Variants in MCC observed in about 807,000 individuals in gnomAD.
MCC encodes the protein colorectal mutant cancer protein.
A neutral mutation model predicts 116.2 loss-of-function variants in MCC; 90 were observed. The observed-to-expected ratio is 0.77, with a 90% CI of 0.65 to 0.92. The LOEUF (loss-of-function observed/expected upper bound fraction) is 0.92, where lower values mean the gene tolerates loss of function less well. MCC is among the 40% of genes least tolerant of loss of function. The probability of loss-of-function intolerance (pLI) is 0.00; values close to 1 mark genes in which losing one functional copy is unlikely to be tolerated. For missense variants in MCC, 1,516 were observed against 1,312.2 expected, an observed-to-expected ratio of 1.16 and a Z score of -2.40; for synonymous variants, 578 against 510.5, an observed-to-expected ratio of 1.13 and a Z score of -1.78.
chr5:113,316,080 A>T (rs1226800929), intron 3 of MCC, among the ~76,000 whole-genome samples: 4 of 151,952 alleles, frequency 2.6e-5, no homozygotes, highest in Non-Finnish European at 5.9e-5. Flanking sequence ...ACAAGGTGAA[A>T]CCCGGTGTCT....
intron 3 of MCC, among the ~76,000 whole-genome samples, chr5:113,331,614 G>GT (rs573093109): frequency 3.3e-5 from 5 of 149,464 alleles, no homozygotes; most frequent in Non-Finnish European, 5.9e-5. Flanking sequence ...CTGCTTTTTT[G>GT]TTTGTTTTGT....
intron 1 of MCC, among the ~76,000 whole-genome samples, chr5:113,486,113 C>T (rs1269307706): frequency 6.6e-6 from 1 of 152,220 alleles, no homozygotes; most frequent in Non-Finnish European, 1.5e-5. Context: ...CAGGTAAACA[C>T]ACTTCCAGAC....
intron 2 of MCC, among the ~76,000 whole-genome samples, chr5:113,342,510 T>A (rs183698709): frequency 5.3e-4 from 81 of 152,320 alleles, no homozygotes; most frequent in Non-Finnish European, 1.0e-3. Flanking sequence ...AACATGCTAA[T>A]AGTTATAATA....
At chr5:113,284,598 T>C (rs1266556387) in intron 3 of MCC, among the ~76,000 whole-genome samples, 6 of 152,242 alleles carry the variant, frequency 3.9e-5, no homozygotes, top group Non-Finnish European at 7.3e-5. Context: ...ATTTCCCCTT[T>C]TGCCACTAGC....
chr5:113,035,294 T>C (rs78784870), intron 17 of MCC, among the ~76,000 whole-genome samples: 1,993 of 152,294 alleles, frequency 0.013, 33 homozygotes, highest in Non-Finnish European at 0.018. Context: ...CAGCAAACTC[T>C]ATCTGCCAAG....
At chr5:113,060,531 G>C (rs1208798598) in intron 14 of MCC, among the ~76,000 whole-genome samples, 1 of 152,206 alleles carries the variant, frequency 6.6e-6, no homozygotes, top group African/African-American at 2.4e-5. Flanking sequence ...ATCTGAATGA[G>C]TGGGGTCAGT....
At chr5:113,264,305 C>T (rs1479401691) in intron 3 of MCC, among the ~76,000 whole-genome samples, 2 of 152,156 alleles carry the variant, frequency 1.3e-5, no homozygotes, top group African/African-American at 4.8e-5. Context: ...GCCTCCCTCC[C>T]CAGTGATACA....
intron 1 of MCC, among the ~76,000 whole-genome samples, chr5:113,467,659 C>T (rs200006077): frequency 0.2 from 30,909 of 151,918 alleles, 3,609 homozygotes; most frequent in Admixed American, 0.33. Context: ...ATTGACTTGG[C>T]GACACGGGCT....
chr5:113,420,910 T>C (rs1460076721), intron 1 of MCC, among the ~76,000 whole-genome samples: 2 of 152,234 alleles, frequency 1.3e-5, no homozygotes, highest in Non-Finnish European at 2.9e-5. Context: ...TAAGCACTAA[T>C]GTTAAATATA....
At chr5:113,100,226 AG>A (rs1756310529) in intron 8 of MCC, among the ~76,000 whole-genome samples, 2 of 152,240 alleles carry the variant, frequency 1.3e-5, no homozygotes, top group South Asian at 4.1e-4. Flanking sequence ...ATTCAAAAAT[AG>A]TAATTTCTTC....
intron 3 of MCC, among the ~76,000 whole-genome samples, chr5:113,164,842 G>A (rs1307871221): frequency 6.6e-6 from 1 of 152,172 alleles, no homozygotes; most frequent in Admixed American, 6.5e-5. Flanking sequence ...TAGCAGTGCT[G>A]CTCAAATTGG....
intron 5 of MCC, among the ~76,000 whole-genome samples, chr5:113,137,333 A>G (rs546500179): frequency 3.9e-5 from 6 of 152,242 alleles, no homozygotes; most frequent in African/African-American, 1.4e-4. Context: ...ACAATTCAAG[A>G]TGAGATTTGG....
intron 11 of MCC, among the ~76,000 whole-genome samples, chr5:113,078,642 A>G (rs1754626908): frequency 6.6e-6 from 1 of 152,226 alleles, no homozygotes; most frequent in South Asian, 2.1e-4. Context: ...TAATCTAGGT[A>G]TTGATGGGAC....
intron 3 of MCC, among the ~76,000 whole-genome samples, chr5:113,314,147 A>C (rs183239442): frequency 7.2e-5 from 11 of 152,222 alleles, no homozygotes; most frequent in African/African-American, 2.4e-4. Flanking sequence ...CAGATATTCC[A>C]GATTCTCTCA....
At chr5:113,458,405 C>A (rs1771642727) in intron 1 of MCC, among the ~76,000 whole-genome samples, 1 of 151,730 alleles carries the variant, frequency 6.6e-6, no homozygotes. Context: ...ACGAACCCAC[C>A]AGAAGGAAGA....
intron 3 of MCC, among the ~76,000 whole-genome samples, chr5:113,199,879 C>T (rs1762596022): frequency 6.6e-6 from 1 of 152,174 alleles, no homozygotes; most frequent in Admixed American, 6.5e-5. Context: ...AACCCTGAAA[C>T]CCAAGGGGGA....
chr5:113,294,740 C>T (rs954558445), intron 3 of MCC: 4 of 996,796 alleles, frequency 4.0e-6, no homozygotes, highest in South Asian at 4.7e-5. Context: ...TGCCTCGCCG[C>T]CCCCCATTAC....
chr5:113,346,561 T>C (rs1368857034), intron 2 of MCC, among the ~76,000 whole-genome samples: 2 of 151,874 alleles, frequency 1.3e-5, no homozygotes, highest in African/African-American at 4.8e-5. Context: ...GATCATGCCA[T>C]TGTACTCCAG....
chr5:113,375,043 T>C (rs1768948808), intron 2 of MCC, among the ~76,000 whole-genome samples: 1 of 151,234 alleles, frequency 6.6e-6, no homozygotes, highest in Non-Finnish European at 1.5e-5. Flanking sequence ...GAGCTTTTAG[T>C]ACTTCCCACA....
Sources: allele counts gnomAD v4.1 joint callset (sites outside exome capture counted in the v4.1 genomes callset), GRCh38; gene constraint gnomAD v4.1.1; transcripts MANE v1.5; gene names NCBI Gene and HGNC (gene_info 2026-07-23, HGNC 2026-07-21).